RPAP1: variants seen among roughly 807,000 people sequenced by gnomAD.
The protein encoded by RPAP1 is RNA polymerase II associated protein 1.
In RPAP1, 109 loss-of-function variants were observed where a neutral mutation model predicts 142.4. The ratio of observed to expected loss-of-function variants is 0.77; its 90% CI spans 0.66 to 0.90. The LOEUF is 0.90. RPAP1 is among the 40% of genes least tolerant of loss of function. The pLI is 0.00. For missense variants in RPAP1, 1,546 were observed against 1,751.7 expected (o/e 0.88, Z 2.10); for synonymous variants, 704 against 738.9 (o/e 0.95, Z 0.77).
intron 1 of RPAP1, among the ~76,000 whole-genome samples, chr15:41,541,336 C>T (rs151158541): frequency 1.6e-3 from 230 of 144,970 alleles, no homozygotes; most frequent in African/African-American, 5.4e-3. Context: ...GGCAGGAGAA[C>T]GGTTTGAACC....
intron 15 of RPAP1, 36 bp from the exon 16 acceptor site, chr15:41,524,290 A>G (rs1438489319): frequency 2.0e-6 from 3 of 1,497,706 alleles, no homozygotes; most frequent in Non-Finnish European, 2.7e-6. Context: ...CACTGTATGA[A>G]AGCAAGTGGA....
chr15:41,538,720 A>G (rs1290523087), intron 1 of RPAP1, among the ~76,000 whole-genome samples: 3 of 152,212 alleles, frequency 2.0e-5, no homozygotes, highest in Non-Finnish European at 4.4e-5. Flanking sequence ...AGTTTCTCCA[A>G]AGGTTAAGAC....
Position 41,524,229 on chromosome 15 carries a change from C to A in RPAP1, c.2101G>T (p.Ala701Ser), listed in dbSNP as rs1449297926. 3 of 1,548,526 alleles carry A rather than the reference C, an allele frequency of 1.9e-6. No individual in the cohort carries two copies. Among genetic ancestry groups the A allele is most frequent in the African/African-American group, 2.7e-5 (2 of 72,958 alleles). Residue 701 changes from alanine to serine, a missense_variant, in exon 16 of 25, where the codon GCC (alanine) becomes TCC (serine). By Grantham distance (99) the Ala-to-Ser change is moderately conservative. Transcript: ENST00000304330. The stretch of plus-strand genomic sequence containing the variant: ...AGCTCCCGCGGCACCACCTGCAAGG[C>A]CCGCATCAGCACTGGGTAGAGCTCC... ...YRELYPVLMR[A>S]LQVVPRELST...
Position 41,529,932 on chromosome 15 carries a change from T to C in RPAP1, c.991A>G (p.Thr331Ala). The C allele has an allele frequency of 6.2e-7, 1 of 1,614,124 alleles. No homozygotes were observed. The highest frequency in any genetic ancestry group is 8.5e-7 in the Non-Finnish European group (1 of 1,179,998). ...TPQKEWLHMD[T>A]VELEKLHWTQ... ...CAGTGGAGCTTCTCCAGCTCGACAG[T>C]GTCCATGTGCAGCCATTCTTTCTGA... Residue 331 changes from threonine to alanine, a missense_variant, in exon 8 of 25, where the codon ACT (threonine) becomes GCT (alanine). Physicochemically the swap from Thr to Ala is moderately conservative, Grantham distance 58. Around this residue, in one of 3 missense-constraint regions of RPAP1, gnomAD observed 1,333 missense variants for 1,486.6 expected, o/e 0.90. Transcript: ENST00000304330.
At chr15:41,528,171 G>A in intron 10 of RPAP1, 64 bp downstream of exon 10, 3 of 1,514,262 alleles carry the variant, frequency 2.0e-6, no homozygotes, top group Non-Finnish European at 2.7e-6. Flanking sequence ...GGCAGGAGAT[G>A]GGGAAGTCTG....
intron 1 of RPAP1, 65 bp downstream of exon 1, chr15:41,544,154 G>C (rs1391977334): frequency 6.6e-6 from 1 of 152,432 alleles, no homozygotes; most frequent in East Asian, 1.9e-4. Flanking sequence ...AAAGAAACTG[G>C]ACACGCTACC....
Position 41,527,298 on chromosome 15 carries a change from G to T in RPAP1, c.1615C>A (p.Leu539Ile), listed in dbSNP as rs2051802895. ...CGAGGCAGCAGGCTGGTAGCCAGGA[G>T]CCCCTGGGAGTTGGAGAGAGAAACC... is the stretch of plus-strand genomic sequence containing the variant. ...DLARHDVIKG[L>I]LATSLLPRLR... The change falls in exon 13 of 25, where the codon CTC becomes ATC. Residue 539 changes from leucine (L) to isoleucine (I), a missense_variant. By Grantham distance (5) the Leu-to-Ile change is conservative (BLOSUM62 2). This residue lies in a region of RPAP1 where 1,333 missense variants were observed against 1,486.6 expected (regional missense o/e 0.90). Transcript: ENST00000304330. 6.2e-7 allele frequency: 1 copy of T among 1,613,978 alleles called. No homozygotes were observed. The highest frequency in any genetic ancestry group is 1.3e-5 in the African/African-American group (1 of 74,940).
intron 1 of RPAP1, among the ~76,000 whole-genome samples, chr15:41,543,296 G>A (rs12101764): frequency 0.078 from 10,245 of 131,336 alleles, 580 homozygotes; most frequent in East Asian, 0.39. Context: ...TGCAACCTCC[G>A]CCTCCTGGGT....
Position 41,525,054 on chromosome 15 carries a change from C to T in RPAP1, c.2012G>A (p.Ser671Asn). Residue 671 changes from serine to asparagine, a missense_variant, in exon 15 of 25, where the codon AGC (serine) becomes AAC (asparagine). Ser to Asn is a conservative substitution (Grantham distance 46). This residue lies in a region of RPAP1 where 1,333 missense variants were observed against 1,486.6 expected (regional missense o/e 0.90). Transcript: ENST00000304330. ...AGCCCACAGACGGAGGGCCTCGGTG[C>T]TCAGCATCTCAGCTTCCTCTGGGGG... ...ALPPEEAEMLSTEALRLWAVA... is the reference protein window; with the variant it reads ...ALPPEEAEMLNTEALRLWAVA... 2 of 1,614,116 alleles carry T rather than the reference C, an allele frequency of 1.2e-6. No homozygotes were observed. The highest frequency in any genetic ancestry group is 2.2e-5 in the East Asian group (1 of 44,868).
At position 41,525,049 on chromosome 15, in the gene RPAP1, C is replaced by T. The variant is rs371584065; in HGVS notation, c.2017G>A (p.Glu673Lys). 79 of 1,613,940 alleles carry T rather than the reference C, an allele frequency of 4.9e-5. No individual in the cohort carries two copies. The highest frequency in any genetic ancestry group is 6.5e-5 in the Non-Finnish European group (77 of 1,179,996). The part of the protein sequence containing the change: ...PPEEAEMLST[E>K]ALRLWAVAAS... Reference sequence around the variant, plus strand: ...GCCACAGCCCACAGACGGAGGGCCTCGGTGCTCAGCATCTCAGCTTCCTCT... The same window carrying T: ...GCCACAGCCCACAGACGGAGGGCCTTGGTGCTCAGCATCTCAGCTTCCTCT... Residue 673 changes from glutamate (E) to lysine (K), a missense_variant, in exon 15 of 25, where the codon GAG becomes AAG. Physicochemically the swap from Glu to Lys is moderately conservative, Grantham distance 56 (BLOSUM62 1). Around this residue, in one of 3 missense-constraint regions of RPAP1, gnomAD observed 1,333 missense variants for 1,486.6 expected, o/e 0.90. Coordinates refer to ENST00000304330, the MANE Select transcript of RPAP1 (RefSeq NM_015540.4).
At position 41,520,675 on chromosome 15, in the gene RPAP1, G is replaced by A. The variant is rs369012149; in HGVS notation, c.3511C>T (p.Arg1171Trp). 3.8e-5 allele frequency: 61 copies of A among 1,614,014 alleles called. No individual in the cohort carries two copies. The highest frequency in any genetic ancestry group is 1.1e-4 in the African/African-American group (8 of 74,934). ...ACCAGATGCTGTACTGGGGACTCCC[G>A]GAACAGCTCACTGTCCACCAGGAAC... ...CVFLVDSELF[R>W]ESPVQHLVAA... Residue 1171 changes from arginine (R) to tryptophan (W), a missense_variant, in exon 22 of 25, where the codon CGG becomes TGG. Arg to Trp is a moderately radical substitution (Grantham distance 101, BLOSUM62 -3). Around this residue, in one of 3 missense-constraint regions of RPAP1, gnomAD observed 1,333 missense variants for 1,486.6 expected, o/e 0.90. Coordinates refer to ENST00000304330, the MANE Select transcript of RPAP1 (RefSeq NM_015540.4).
intron 3 of RPAP1, 138 bp from the exon 4 acceptor site, chr15:41,536,356 T>C: frequency 1.5e-6 from 2 of 1,345,798 alleles, no homozygotes; most frequent in South Asian, 2.6e-5. Context: ...AGGGCAGTGA[T>C]TCTAACCCAG....
intron 18 of RPAP1, 99 bp from the exon 19 acceptor site, chr15:41,523,059 G>C (rs1438252711): frequency 1.2e-5 from 13 of 1,080,176 alleles, no homozygotes; most frequent in Non-Finnish European, 1.6e-5. Context: ...GGGGGGCCTG[G>C]CTGTGGAGGT....
Position 41,517,341 on chromosome 15 carries a change from T to A in RPAP1, c.*201A>T, listed in dbSNP as rs2051674703. 10 of 500,584 alleles carry A rather than the reference T, an allele frequency of 2.0e-5. No individual in the cohort carries two copies. In the South Asian group the frequency reaches 3.9e-4, roughly 20 times the overall value. 31.0% of individuals were successfully genotyped at this position (500,584 alleles called of 1,614,324 possible). ...CACTCTTCACTCCCAGTACAGACCT[T>A]CAGAAGCCCCAGATATCAGGATGTA... is the stretch of plus-strand genomic sequence containing the variant. On this transcript the variant is annotated 3_prime_UTR_variant, in exon 25 of 25. Transcript: ENST00000304330.
chr15:41,530,003 A>G, intron 7 of RPAP1, 24 bp from the exon 8 acceptor site: 1 of 1,595,056 alleles, frequency 6.3e-7, no homozygotes, highest in South Asian at 1.1e-5. Context: ...GCATGATAGT[A>G]TTACCCAAAC....
In RPAP1 at chr15:41,536,603, T is replaced by C. The variant is rs1011576278; in HGVS notation, c.228A>G (p.Arg76=). Residue 76 remains arginine, a synonymous_variant, in exon 3 of 25, where the codon AGA becomes AGG. Coordinates refer to ENST00000304330, the MANE Select transcript of RPAP1 (RefSeq NM_015540.4). ...PPALVPSPPK[R]ARPSPGHCLP... The stretch of plus-strand genomic sequence containing the variant: ...GGCAGTGGCCAGGGCTGGGCCTGGC[T>C]CTCTTTGGAGGAGAAGGGACCAAAG... 1 of 1,614,052 alleles carries C rather than the reference T, an allele frequency of 6.2e-7. No homozygotes were observed. The highest frequency in any genetic ancestry group is 8.5e-7 in the Non-Finnish European group (1 of 1,179,990).
intron 1 of RPAP1, among the ~76,000 whole-genome samples, chr15:41,541,115 G>T (rs1444831530): frequency 6.6e-6 from 1 of 152,030 alleles, no homozygotes; most frequent in Non-Finnish European, 1.5e-5. Context: ...GGGAGAGCTG[G>T]GCAAAGGTAT....
At chr15:41,535,653 C>A in intron 4 of RPAP1, 21 bp from the exon 5 acceptor site, 1 of 1,607,974 alleles carries the variant, frequency 6.2e-7, no homozygotes, top group African/African-American at 1.3e-5. Context: ...AAAAGAAAAC[C>A]CAGGTTACTG....
Position 41,536,496 on chromosome 15 carries a change from C to G in RPAP1, c.330+5G>C. ...CTTATCCTACTCAGCCAGAGTGAGA[C>G]GCACAATAATCTTAGTCAAGACAGC... is the stretch of plus-strand genomic sequence containing the variant. On this transcript the variant is annotated splice_donor_5th_base_variant and intron_variant, in intron 3 of 24. Coordinates refer to ENST00000304330, the MANE Select transcript of RPAP1 (RefSeq NM_015540.4). The G allele has an allele frequency of 6.2e-7, 1 of 1,613,870 alleles. No homozygotes were observed. The highest frequency in any genetic ancestry group is 1.6e-4 in the Middle Eastern group (1 of 6,062).
Sources: gnomAD v4.1 joint callset for allele counts (sites outside exome capture counted in the v4.1 genomes callset) on GRCh38, gnomAD v4.1.1 for gene constraint, gnomAD v4.1.1 regional missense constraint, MANE v1.5 for transcripts, NCBI Gene and HGNC (gene_info 2026-07-23, HGNC 2026-07-21) for gene names.